Variants in SCFD2 observed in about 807,000 individuals in gnomAD.
SCFD2 encodes sec1 family domain-containing protein 2.
A neutral mutation model predicts 58.9 loss-of-function variants in SCFD2; 54 were observed. That is an observed-to-expected ratio of 0.92 (90% CI 0.74 to 1.15). The LOEUF is 1.15. Ranked by LOEUF, SCFD2 falls within the 50% of genes most tolerant of loss-of-function variation. SCFD2 has a pLI of 0.00. For missense variants in SCFD2, 805 were observed against 836.6 expected (o/e 0.96, Z 0.47); for synonymous variants, 321 against 335.9 (o/e 0.96, Z 0.49).
chr4:53,201,835 G>A (rs1286337291), intron 4 of SCFD2, among the ~76,000 whole-genome samples: 3 of 152,194 alleles, frequency 2.0e-5, no homozygotes, highest in Non-Finnish European at 2.9e-5. Context: ...TCTGAGAAGT[G>A]TCTGTTCATA....
rs116877226 is a variant in SCFD2 at position 53,111,177 on chromosome 4, G to A, written c.1561+34156C>T. 1.5e-3 allele frequency among the ~76,000 whole-genome samples: 232 copies of A among 152,118 alleles called. 4 individuals carry two copies. The East Asian group carries it at 0.037, about 24-fold the overall frequency. The stretch of plus-strand genomic sequence containing the variant: ...CAGGGAGGGGAACATCATACACCGG[G>A]GCCTACTGGTGGGTGGGGGACTAGG... On this transcript the variant is annotated intron_variant, in intron 5 of 8. Coordinates refer to ENST00000401642, the MANE Select transcript of SCFD2 (RefSeq NM_152540.4).
intron 5 of SCFD2, among the ~76,000 whole-genome samples, chr4:53,038,051 A>T (rs1722807802): frequency 6.6e-6 from 1 of 152,150 alleles, no homozygotes; most frequent in African/African-American, 2.4e-5. Context: ...GGTGCTCTGG[A>T]TCCTTCTAAG....
intron 4 of SCFD2, among the ~76,000 whole-genome samples, chr4:53,174,111 G>A (rs1727259073): frequency 6.6e-6 from 1 of 151,656 alleles, no homozygotes; most frequent in Non-Finnish European, 1.5e-5. Context: ...TACTAAGCAG[G>A]AAAATAGTAA....
chr4:53,009,919 C>A (rs1295200459), intron 5 of SCFD2, among the ~76,000 whole-genome samples: 1 of 152,194 alleles, frequency 6.6e-6, no homozygotes, highest in Non-Finnish European at 1.5e-5. Context: ...TTTCCCAAAA[C>A]CCCTTGCATT....
chr4:53,067,043 T>C (rs1417973379), intron 5 of SCFD2, among the ~76,000 whole-genome samples: 4 of 152,022 alleles, frequency 2.6e-5, no homozygotes, highest in Non-Finnish European at 5.9e-5. Flanking sequence ...AAAATAATTA[T>C]AGTTAATTGG....
intron 4 of SCFD2, among the ~76,000 whole-genome samples, chr4:53,148,335 T>TA (rs1726399849): frequency 6.6e-6 from 1 of 152,200 alleles, no homozygotes; most frequent in Non-Finnish European, 1.5e-5. Flanking sequence ...AGTGATACCC[T>TA]ATCAGTATTC....
At chr4:53,049,411 T>A (rs190589600) in intron 5 of SCFD2, among the ~76,000 whole-genome samples, 1 of 152,374 alleles carries the variant, frequency 6.6e-6, no homozygotes, top group Admixed American at 6.5e-5. Flanking sequence ...TACCATGTGC[T>A]ATTCACTGTG....
At chr4:52,898,030 T>C (rs765263937) in intron 7 of SCFD2, among the ~76,000 whole-genome samples, 4 of 152,258 alleles carry the variant, frequency 2.6e-5, no homozygotes, top group African/African-American at 7.2e-5. Context: ...ATTGCGTCTA[T>C]TTGATTCTTC....
At chr4:53,267,527 A>G (rs1347428169) in intron 4 of SCFD2, among the ~76,000 whole-genome samples, 2 of 152,222 alleles carry the variant, frequency 1.3e-5, no homozygotes, top group African/African-American at 4.8e-5. Context: ...TTATGATAAA[A>G]GTAGGATTTT....
At chr4:53,301,748 C>T (rs1247943128) in intron 3 of SCFD2, among the ~76,000 whole-genome samples, 5 of 152,144 alleles carry the variant, frequency 3.3e-5, no homozygotes, top group South Asian at 2.1e-4. Flanking sequence ...AAAAGCTTAT[C>T]CACCATGATC....
intron 6 of SCFD2, among the ~76,000 whole-genome samples, chr4:52,917,912 G>A (rs1719645833): frequency 6.6e-6 from 1 of 152,254 alleles, no homozygotes. Context: ...AGCAAGGGAA[G>A]CAGGAGTGGC....
intron 3 of SCFD2, among the ~76,000 whole-genome samples, chr4:53,299,750 C>T (rs1441998872): frequency 1.3e-5 from 2 of 152,150 alleles, no homozygotes; most frequent in African/African-American, 4.8e-5. Flanking sequence ...GCTGATCTCT[C>T]GCCAGAAACT....
chr4:53,268,386 G>T (rs1160019461), intron 4 of SCFD2, among the ~76,000 whole-genome samples: 1 of 152,122 alleles, frequency 6.6e-6, no homozygotes, highest in Admixed American at 6.5e-5. Flanking sequence ...AAAGGGATGG[G>T]GAGACTAGAG....
chr4:53,011,902 G>A (rs555984772), intron 5 of SCFD2, among the ~76,000 whole-genome samples: 3 of 152,016 alleles, frequency 2.0e-5, no homozygotes, highest in East Asian at 3.9e-4. Flanking sequence ...ATTGGAGGCT[G>A]AAACCGACAT....
intron 5 of SCFD2, among the ~76,000 whole-genome samples, chr4:53,031,407 C>A (rs1200212570): frequency 6.6e-6 from 1 of 152,158 alleles, no homozygotes; most frequent in Admixed American, 6.5e-5. Context: ...AGCAAGGGAA[C>A]AAAACTTGAC....
At chr4:52,907,693 C>T (rs1719380668) in intron 6 of SCFD2, 102 bp from the exon 7 acceptor site, 1 of 1,011,512 alleles carries the variant, frequency 9.9e-7, no homozygotes, top group South Asian at 1.4e-5. Flanking sequence ...TATTTTGATA[C>T]TGAGCAATGC....
At chr4:53,321,221 C>T (rs1733012558) in intron 2 of SCFD2, among the ~76,000 whole-genome samples, 1 of 152,046 alleles carries the variant, frequency 6.6e-6, no homozygotes, top group Non-Finnish European at 1.5e-5. Context: ...TCATTCCTGG[C>T]TCTTTATTCA....
chr4:53,252,219 T>C (rs200321641), intron 4 of SCFD2, among the ~76,000 whole-genome samples: 17,612 of 137,860 alleles, frequency 0.13, 1,344 homozygotes, highest in East Asian at 0.23. Context: ...AAACCACTGC[T>C]CAAGGAAATA....
chr4:53,285,957 G>A (rs1377946975), intron 3 of SCFD2, among the ~76,000 whole-genome samples: 3 of 152,068 alleles, frequency 2.0e-5, no homozygotes, highest in Non-Finnish European at 4.4e-5. Flanking sequence ...ACAACCCCGT[G>A]GCCCAAGCTG....
Sources: allele counts gnomAD v4.1 joint callset (sites outside exome capture counted in the v4.1 genomes callset), GRCh38; gene constraint gnomAD v4.1.1; transcripts MANE v1.5; gene names NCBI Gene and HGNC (gene_info 2026-07-23, HGNC 2026-07-21).